Variants in FBXO34 observed in about 807,000 individuals in gnomAD.
FBXO34 encodes F-box only protein 34.
A neutral mutation model predicts 24.5 loss-of-function variants in FBXO34; 12 were observed. The observed-to-expected ratio is 0.49, with a 90% CI of 0.31 to 0.79. The LOEUF is 0.79. Ranked by LOEUF, FBXO34 falls within the 30% of genes least tolerant of loss-of-function variation. FBXO34 has a pLI of 0.04. For missense variants in FBXO34, 823 were observed against 857.7 expected (o/e 0.96, Z 0.51); for synonymous variants, 320 against 311.9 (o/e 1.03, Z -0.27).
intron 1 of FBXO34, among the ~76,000 whole-genome samples, chr14:55,323,218 A>AAATAT (rs1566555819): frequency 3.2e-4 from 10 of 31,614 alleles, no homozygotes; most frequent in Admixed American, 1.2e-3. Context: ...AAAAAAAAAA[A>AAATAT]ATATATATTT....
chr14:55,412,088 A>C, the FBXO34 span, among the ~76,000 whole-genome samples: 3 of 152,246 alleles, frequency 2.0e-5, no homozygotes, highest in South Asian at 2.1e-4. Flanking sequence ...CTACGAGTTA[A>C]AGCCTCAAAC....
At chr14:55,390,031 C>G in the FBXO34 span, among the ~76,000 whole-genome samples, 1 of 151,480 alleles carries the variant, frequency 6.6e-6, no homozygotes, top group East Asian at 1.9e-4. Flanking sequence ...AGTTAAGACT[C>G]TGAGCTTCCT....
the FBXO34 span, chr14:55,380,575 G>T: frequency 6.3e-7 from 1 of 1,596,148 alleles, no homozygotes; most frequent in African/African-American, 1.3e-5. Context: ...TTACTTGCCT[G>T]TTGCAGAGCT....
intron 1 of FBXO34, among the ~76,000 whole-genome samples, chr14:55,287,975 T>G (rs374247684): frequency 1.3e-5 from 2 of 152,236 alleles, no homozygotes; most frequent in Non-Finnish European, 2.9e-5. Context: ...TGAGGTTGGG[T>G]GTGGAATTTT....
rs1276754543 is a variant in FBXO34, at chr14:55,281,262, A to AAAG, written c.-11+9727_-11+9728insGAA. 2.0e-5 allele frequency among the ~76,000 whole-genome samples: 3 copies of AAAG among 151,344 alleles called. No homozygotes were observed. The East Asian group carries it at 5.8e-4, about 29-fold the overall frequency. On this transcript the variant is annotated intron_variant, in intron 1 of 1. Transcript: ENST00000313833. ...GAGTGAGACCCGACTCCTTAAAAAA[A>AAAG]AAAAAAAAAAAAAAGCACATCTCAG...
At chr14:55,342,510 C>T (rs1480889042) in intron 1 of FBXO34, among the ~76,000 whole-genome samples, 1 of 151,784 alleles carries the variant, frequency 6.6e-6, no homozygotes, top group East Asian at 1.9e-4. Flanking sequence ...AGAAATACTG[C>T]ATTTTCTGAC....
At chr14:55,364,164 G>T (rs1333574025), downstream of FBXO34, among the ~76,000 whole-genome samples, 1 of 151,976 alleles carries the variant, frequency 6.6e-6, no homozygotes, top group South Asian at 2.1e-4. Context: ...GGTCAGGCTG[G>T]TCTTGAACTC....
At chr14:55,339,378 G>GGCCCCCCCCCCC (rs1555339069) in intron 1 of FBXO34, 1 of 113,168 alleles carries the variant, frequency 8.8e-6, no homozygotes, top group Non-Finnish European at 1.8e-5. Context: ...TTAATCACCT[G>GGCCCCCCCCCCC]CCCCCCCCCC....
At chr14:55,309,865 G>C (rs532457070) in intron 1 of FBXO34, among the ~76,000 whole-genome samples, 1 of 152,108 alleles carries the variant, frequency 6.6e-6, no homozygotes, top group Non-Finnish European at 1.5e-5. Context: ...TATTCCATTC[G>C]TAATGCATTT....
At chr14:55,304,223 ATGTATTGAGTGC>A (rs1279903484) in intron 1 of FBXO34, among the ~76,000 whole-genome samples, 8 of 152,158 alleles carry the variant, frequency 5.3e-5, no homozygotes, top group Non-Finnish European at 1.2e-4. Context: ...AAACTCTACC[ATGTATTGAGTGC>A]TGTACTTTTT....
chr14:55,338,078 C>CT (rs1883851924), intron 1 of FBXO34, among the ~76,000 whole-genome samples: 1 of 51,484 alleles, frequency 1.9e-5, no homozygotes, highest in Non-Finnish European at 3.5e-5. Flanking sequence ...GAGATGGAGT[C>CT]TCGCTCTGTC....
At chr14:55,408,706 G>C in the FBXO34 span, among the ~76,000 whole-genome samples, 1 of 152,206 alleles carries the variant, frequency 6.6e-6, no homozygotes. Context: ...AGGAGTCTGA[G>C]GCTGCCGCAT....
At chr14:55,354,715 G>A (rs1436175535), downstream of FBXO34, 1 of 152,272 alleles carries the variant, frequency 6.6e-6, no homozygotes, top group African/African-American at 2.4e-5. Context: ...GGATTAGCAG[G>A]TGGCATCAGA....
chr14:55,305,703 G>T (rs1244527082), intron 1 of FBXO34, among the ~76,000 whole-genome samples: 3 of 151,886 alleles, frequency 2.0e-5, no homozygotes, highest in Non-Finnish European at 4.4e-5. Context: ...TCTACAACAG[G>T]AGTCGTACAG....
rs182858472 is a variant in FBXO34, at chr14:55,315,043, G to T, written c.-10-35338G>T. ...TTTAGTTCTTTTTTCTCATCCCCAG[G>T]AATGTTTTTGTCCCCCCATTTCCCT... is the stretch of plus-strand genomic sequence containing the variant. On this transcript the variant is annotated intron_variant, in intron 1 of 1. Transcript: ENST00000313833. Among the ~76,000 whole-genome samples the T allele has an allele frequency of 2.9e-3, 436 of 152,186 alleles. 4 individuals are homozygous for T. The highest frequency in any genetic ancestry group is 0.01 in the African/African-American group (419 of 41,516).
chr14:55,308,030 C>G lies in FBXO34; in HGVS notation c.-11+36493C>G, dbSNP rs73263922. On this transcript the variant is annotated intron_variant, in intron 1 of 1. Transcript: ENST00000313833. ...GTTCTCCTCGTGGTAATAAGTCTCA[C>G]GAGATCCGATGGTTTTATAAATGGG... Among the ~76,000 whole-genome samples the G allele has an allele frequency of 3.3e-4, 50 of 152,250 alleles. 1 individual carries two copies. Among genetic ancestry groups the G allele is most frequent in the African/African-American group, 1.2e-3 (50 of 41,542 alleles).
At chr14:55,304,744 C>G (rs1373163006) in intron 1 of FBXO34, among the ~76,000 whole-genome samples, 1 of 152,152 alleles carries the variant, frequency 6.6e-6, no homozygotes, top group Non-Finnish European at 1.5e-5. Flanking sequence ...AAGTGATCCT[C>G]CCGCCTCAGC....
chr14:55,324,546 A>G (rs1215121016), intron 1 of FBXO34, among the ~76,000 whole-genome samples: 1 of 152,090 alleles, frequency 6.6e-6, no homozygotes, highest in East Asian at 1.9e-4. Context: ...ACTAGACTAA[A>G]TAATTTTTAA....
At chr14:55,294,790 A>C (rs182624954) in intron 1 of FBXO34, among the ~76,000 whole-genome samples, 7 of 152,324 alleles carry the variant, frequency 4.6e-5, no homozygotes, top group Admixed American at 4.6e-4. Context: ...TGCTTTGCCC[A>C]ATACATCACC....
Sources: gnomAD v4.1 joint callset for allele counts (sites outside exome capture counted in the v4.1 genomes callset) on GRCh38, gnomAD v4.1.1 for gene constraint, MANE v1.5 for transcripts, NCBI Gene and HGNC (gene_info 2026-07-23, HGNC 2026-07-21) for gene names.